The following FRMD4B variants were observed in gnomAD, a reference collection of about 807,000 sequenced individuals.
FRMD4B encodes the protein FERM domain-containing protein 4B.
A neutral mutation model predicts 141.5 loss-of-function variants in FRMD4B; 74 were observed. The observed-to-expected ratio is 0.52, with a 90% CI of 0.43 to 0.63. The LOEUF (loss-of-function observed/expected upper bound fraction) is 0.63, where lower values mean the gene tolerates loss of function less well. FRMD4B is among the 30% of genes least tolerant of loss of function. FRMD4B has a pLI of 0.00. For synonymous variants in FRMD4B, 506 were observed against 467.9 expected, an observed-to-expected ratio of 1.08 and a Z score of -1.05; for missense variants, 1,366 against 1,253.4, an observed-to-expected ratio of 1.09 and a Z score of -1.36.
intron 19 of FRMD4B, among the ~76,000 whole-genome samples, chr3:69,184,599 G>C (rs2092745235): frequency 6.6e-6 from 1 of 152,150 alleles, no homozygotes; most frequent in East Asian, 1.9e-4. Flanking sequence ...GAAATTGCTG[G>C]ATAAAAAAGC....
At chr3:69,429,110 A>G (rs56226126) in intron 2 of FRMD4B, among the ~76,000 whole-genome samples, 55,045 of 152,064 alleles carry the variant, frequency 0.36, 10,455 homozygotes, top group African/African-American at 0.46. Context: ...TTTAAAGGTC[A>G]GAGTGTTCTA....
chr3:69,535,814 T>A, intron 1 of FRMD4B: 1 of 474,154 alleles, frequency 2.1e-6, no homozygotes, highest in South Asian at 1.5e-5. Flanking sequence ...GCCTTGGTGT[T>A]TGGCCCCTGG....
intron 16 of FRMD4B, among the ~76,000 whole-genome samples, chr3:69,194,252 T>G (rs1322588412): frequency 6.6e-6 from 1 of 152,368 alleles, no homozygotes; most frequent in South Asian, 2.1e-4. Flanking sequence ...AATTCCTGGT[T>G]GCATGACCCT....
intron 1 of FRMD4B, among the ~76,000 whole-genome samples, chr3:69,451,421 T>C (rs1246774692): frequency 6.6e-6 from 1 of 152,182 alleles, no homozygotes; most frequent in African/African-American, 2.4e-5. Flanking sequence ...AGTGGAAGAA[T>C]ATATTGTGAT....
At chr3:69,508,636 T>G (rs939403695) in intron 1 of FRMD4B, among the ~76,000 whole-genome samples, 1 of 152,202 alleles carries the variant, frequency 6.6e-6, no homozygotes, top group Non-Finnish European at 1.5e-5. Context: ...AGGAATATTC[T>G]ACCATTAAAA....
In FRMD4B at chr3:69,291,459, AAC is replaced by A. The variant is rs1271492245; in HGVS notation, c.417-3625_417-3624del. Among the ~76,000 whole-genome samples the A allele has an allele frequency of 2.0e-5, 3 of 152,342 alleles. No homozygotes were observed. The East Asian group carries it at 5.8e-4, about 29-fold the overall frequency. On this transcript the variant is annotated intron_variant, in intron 4 of 22. Coordinates refer to ENST00000398540, the MANE Select transcript of FRMD4B (RefSeq NM_015123.3). ...AAGTAAAGCTGCACTGGCCTATGGC[AAC>A]AGTCACATATGCAAAAGTCGTAAGG... is the stretch of plus-strand genomic sequence containing the variant.
At chr3:69,468,276 T>C (rs184675300) in intron 1 of FRMD4B, among the ~76,000 whole-genome samples, 1 of 152,360 alleles carries the variant, frequency 6.6e-6, no homozygotes, top group East Asian at 1.9e-4. Flanking sequence ...GTTCGGACTA[T>C]GTCCCTCCTA....
At chr3:69,224,767 G>C (rs1194451027) in intron 7 of FRMD4B, 77 bp from the exon 8 acceptor site, 2 of 735,236 alleles carry the variant, frequency 2.7e-6, no homozygotes, top group African/African-American at 1.8e-5. Flanking sequence ...AAATGAATTA[G>C]ATTAAAAAAA....
chr3:69,187,557 ATATATATATACATATATATATATG>A (rs1340246299), intron 19 of FRMD4B, among the ~76,000 whole-genome samples, 189 bp downstream of exon 19: 5 of 146,572 alleles, frequency 3.4e-5, no homozygotes, highest in Admixed American at 1.4e-4. Flanking sequence ...AAAAAAATAT[ATATATATATACATATATATATATG>A]TATATATATG....
At chr3:69,445,601 A>G (rs1705400419) in intron 1 of FRMD4B, among the ~76,000 whole-genome samples, 1 of 152,134 alleles carries the variant, frequency 6.6e-6, no homozygotes, top group Non-Finnish European at 1.5e-5. Flanking sequence ...ATTTCATGCC[A>G]GTCTTCCCTT....
At chr3:69,347,668 A>C (rs538543150) in intron 1 of FRMD4B, among the ~76,000 whole-genome samples, 1 of 152,358 alleles carries the variant, frequency 6.6e-6, no homozygotes, top group African/African-American at 2.4e-5. Flanking sequence ...AGAACTCAGG[A>C]TTAAGAAACT....
intron 7 of FRMD4B, among the ~76,000 whole-genome samples, chr3:69,234,693 T>C (rs1386053617): frequency 6.6e-6 from 1 of 152,160 alleles, no homozygotes; most frequent in Non-Finnish European, 1.5e-5. Context: ...TGTACCCTCG[T>C]ACCCTGGCCA....
At chr3:69,430,233 C>T (rs1446340638) in intron 2 of FRMD4B, among the ~76,000 whole-genome samples, 1 of 152,082 alleles carries the variant, frequency 6.6e-6, no homozygotes, top group Non-Finnish European at 1.5e-5. Flanking sequence ...GGCAACTGAC[C>T]AGTCCCTGAG....
intron 2 of FRMD4B, among the ~76,000 whole-genome samples, chr3:69,397,322 A>T (rs1704490022): frequency 6.6e-6 from 1 of 152,106 alleles, no homozygotes; most frequent in Non-Finnish European, 1.5e-5. Context: ...TTGGGGCGTG[A>T]GGTGTCGTGA....
intron 7 of FRMD4B, among the ~76,000 whole-genome samples, chr3:69,242,392 A>G (rs2093390799): frequency 6.6e-6 from 1 of 151,660 alleles, no homozygotes; most frequent in African/African-American, 2.4e-5. Flanking sequence ...CTAAGGGGCA[A>G]ATTTCTTGAA....
intron 1 of FRMD4B, among the ~76,000 whole-genome samples, chr3:69,342,469 C>T (rs562811019): frequency 6.6e-6 from 1 of 152,114 alleles, no homozygotes; most frequent in Non-Finnish European, 1.5e-5. Context: ...AAAAAGATTA[C>T]CCATTCATTA....
At chr3:69,305,820 T>A (rs1701375233) in intron 3 of FRMD4B, among the ~76,000 whole-genome samples, 1 of 152,218 alleles carries the variant, frequency 6.6e-6, no homozygotes, top group African/African-American at 2.4e-5. Flanking sequence ...TATGAATGAA[T>A]GAAGCAAGTT....
At chr3:69,204,151 GTACCC>G (rs1408657196) in intron 11 of FRMD4B, among the ~76,000 whole-genome samples, 1 of 152,138 alleles carries the variant, frequency 6.6e-6, no homozygotes, top group African/African-American at 2.4e-5. Context: ...CCTGCCCCAG[GTACCC>G]AGGAAAGGAG....
chr3:69,189,222 CAAAAAAAAAA>C (rs71115659), intron 18 of FRMD4B, among the ~76,000 whole-genome samples: 1 of 39,774 alleles, frequency 2.5e-5, no homozygotes, highest in African/African-American at 1.0e-4. Flanking sequence ...AACTCCATCT[CAAAAAAAAAA>C]AAAAAAAAAA....
Sources: gnomAD v4.1 joint callset for allele counts (sites outside exome capture counted in the v4.1 genomes callset) on GRCh38, gnomAD v4.1.1 for gene constraint, MANE v1.5 for transcripts, NCBI Gene and HGNC (gene_info 2026-07-23, HGNC 2026-07-21) for gene names.